CCBE1: variants seen among roughly 807,000 people sequenced by gnomAD.
The protein encoded by CCBE1 is collagen and calcium-binding EGF domain-containing protein 1.
CCBE1 carries 37 observed loss-of-function variants against 50.0 expected under a neutral mutation model. That is an observed-to-expected ratio of 0.74 (90% confidence interval 0.57 to 0.97). The LOEUF (loss-of-function observed/expected upper bound fraction) is 0.97. Ranked by LOEUF, CCBE1 falls within the 50% of genes least tolerant of loss-of-function variation. The pLI, the probability that CCBE1 is intolerant of heterozygous loss-of-function variation, is 0.00. For missense variants in CCBE1, 538 were observed against 523.8 expected (o/e 1.03, Z -0.26); for synonymous variants, 234 against 203.7 (o/e 1.15, Z -1.27).
chr18:59,677,014 C>G (rs2054514001), intron 2 of CCBE1, among the ~76,000 whole-genome samples: 1 of 152,126 alleles, frequency 6.6e-6, no homozygotes, highest in Non-Finnish European at 1.5e-5. Context: ...CCTCACAGCC[C>G]AGGGTAAGGA....
At chr18:59,444,952 T>C (rs1242229346) in intron 7 of CCBE1, among the ~76,000 whole-genome samples, 2 of 152,216 alleles carry the variant, frequency 1.3e-5, no homozygotes, top group Non-Finnish European at 2.9e-5. Flanking sequence ...TAACCCCTTA[T>C]CAGATATATG....
intron 2 of CCBE1, among the ~76,000 whole-genome samples, chr18:59,538,820 G>T (rs1915352276): frequency 6.6e-6 from 1 of 152,138 alleles, no homozygotes; most frequent in Non-Finnish European, 1.5e-5. Context: ...CCCATTGGAG[G>T]GTAGGGACTT....
chr18:59,585,725 G>A (rs557140474), intron 2 of CCBE1, among the ~76,000 whole-genome samples: 45 of 152,268 alleles, frequency 3.0e-4, no homozygotes, highest in African/African-American at 9.9e-4. Flanking sequence ...ATCCAGTATT[G>A]CATTCTTCAT....
chr18:59,454,732 G>C, intron 6 of CCBE1, 119 bp downstream of exon 6: 1 of 873,384 alleles, frequency 1.1e-6, no homozygotes, highest in South Asian at 1.4e-5. Context: ...AACCTCACTG[G>C]CATCAACTGC....
chr18:59,671,896 A>G (rs1446892182), intron 2 of CCBE1, among the ~76,000 whole-genome samples: 1 of 152,146 alleles, frequency 6.6e-6, no homozygotes, highest in Non-Finnish European at 1.5e-5. Context: ...TAGTGGCAAT[A>G]ACAAGAAAGC....
intron 2 of CCBE1, among the ~76,000 whole-genome samples, chr18:59,656,510 C>T (rs749042521): frequency 2.6e-5 from 4 of 152,116 alleles, no homozygotes; most frequent in African/African-American, 4.8e-5. Flanking sequence ...TTACCTTCCG[C>T]GGAGCCAATG....
intron 5 of CCBE1, among the ~76,000 whole-genome samples, chr18:59,464,545 C>T (rs1213249872): frequency 1.3e-5 from 2 of 152,256 alleles, no homozygotes; most frequent in African/African-American, 4.8e-5. Flanking sequence ...TGGGCAGGCA[C>T]ATGCCACATG....
chr18:59,613,923 G>A (rs2053604639), intron 2 of CCBE1, among the ~76,000 whole-genome samples: 1 of 133,822 alleles, frequency 7.5e-6, no homozygotes, highest in African/African-American at 2.8e-5. Context: ...CACCCAGGCT[G>A]GAGTGCAATG....
intron 3 of CCBE1, among the ~76,000 whole-genome samples, chr18:59,474,785 C>A (rs1351738283): frequency 5.3e-5 from 8 of 152,164 alleles, no homozygotes. Flanking sequence ...TACTTTTACC[C>A]CTTTTTCTAG....
intron 6 of CCBE1, 101 bp downstream of exon 6, chr18:59,454,750 C>T (rs1911100404): frequency 2.9e-6 from 3 of 1,046,478 alleles, no homozygotes; most frequent in African/African-American, 1.6e-5. Context: ...TGCGTGAATG[C>T]TCAATGTGGA....
chr18:59,484,733 T>C (rs1912732367), intron 2 of CCBE1, among the ~76,000 whole-genome samples: 2 of 152,366 alleles, frequency 1.3e-5, no homozygotes, highest in African/African-American at 4.8e-5. Context: ...ACCCCAGCTG[T>C]CTGCTCAAGG....
At chr18:59,670,457 G>A (rs1195222306) in intron 2 of CCBE1, among the ~76,000 whole-genome samples, 1 of 152,154 alleles carries the variant, frequency 6.6e-6, no homozygotes, top group Admixed American at 6.5e-5. Context: ...TGTGAGCCTG[G>A]AAACATGACC....
intron 2 of CCBE1, among the ~76,000 whole-genome samples, chr18:59,658,006 G>A (rs2054214413): frequency 6.6e-6 from 1 of 151,960 alleles, no homozygotes; most frequent in African/African-American, 2.4e-5. Flanking sequence ...CAAGAGTGTG[G>A]GCTGAGGAGG....
chr18:59,628,320 T>C (rs964030714), intron 2 of CCBE1, among the ~76,000 whole-genome samples: 3 of 152,210 alleles, frequency 2.0e-5, no homozygotes, highest in Non-Finnish European at 4.4e-5. Flanking sequence ...CTATTTTTCA[T>C]TAAAAATAAT....
intron 6 of CCBE1, among the ~76,000 whole-genome samples, chr18:59,450,381 C>A (rs774974259): frequency 1.3e-5 from 2 of 152,090 alleles, no homozygotes; most frequent in African/African-American, 4.8e-5. Context: ...TTAATGTTGT[C>A]GTTTTTTAAA....
intron 7 of CCBE1, among the ~76,000 whole-genome samples, chr18:59,443,433 A>T (rs1257988290): frequency 6.6e-6 from 1 of 151,750 alleles, no homozygotes; most frequent in African/African-American, 2.4e-5. Context: ...AAGCATTTTT[A>T]AAAACTTGTG....
intron 9 of CCBE1, 36 bp downstream of exon 9, chr18:59,439,507 G>A: frequency 6.2e-7 from 1 of 1,613,206 alleles, no homozygotes; most frequent in Non-Finnish European, 8.5e-7. Context: ...GAAAGTGAGA[G>A]ACCTTTAGCT....
Position 59,513,321 on chromosome 18 carries a change from C to CAAA in CCBE1, c.213-33086_213-33084dup, listed in dbSNP as rs11417238. 5.3e-5 allele frequency among the ~76,000 whole-genome samples: 8 copies of CAAA among 151,826 alleles called. No homozygotes were observed. In the East Asian group the frequency reaches 5.8e-4, roughly 11 times the overall value. On this transcript the variant is annotated intron_variant, in intron 2 of 10. Transcript: ENST00000439986. ...ACTGTCTCAAAAAAACAAAACAAAA[C>CAAA]AAAAAAATTCAAGAAAGGGCACAGG...
chr18:59,572,331 ATTG>A (rs1443327998), intron 2 of CCBE1, among the ~76,000 whole-genome samples: 1 of 152,154 alleles, frequency 6.6e-6, no homozygotes, highest in East Asian at 1.9e-4. Context: ...GCTGGAACCA[ATTG>A]TTGTTATAAA....
Sources: allele counts gnomAD v4.1 joint callset (sites outside exome capture counted in the v4.1 genomes callset), GRCh38; gene constraint gnomAD v4.1.1; transcripts MANE v1.5; gene names NCBI Gene and HGNC (gene_info 2026-07-23, HGNC 2026-07-21).